Variants in KIAA1217 observed in about 807,000 individuals in gnomAD.
KIAA1217 encodes the protein sickle tail protein homolog.
In KIAA1217, 88 loss-of-function variants were observed where a neutral mutation model predicts 163.9. That is an observed-to-expected ratio of 0.54 (90% CI 0.45 to 0.64). KIAA1217 has a LOEUF of 0.64. Ranked by LOEUF, KIAA1217 falls within the 30% of genes least tolerant of loss-of-function variation. The pLI is 0.00. For missense variants in KIAA1217, 2,372 were observed against 2,475.0 expected (o/e 0.96, Z 0.88); for synonymous variants, 903 against 923.1 (o/e 0.98, Z 0.39).
intron 1 of KIAA1217, among the ~76,000 whole-genome samples, chr10:23,910,650 C>G (rs975953185): frequency 6.6e-6 from 1 of 152,156 alleles, no homozygotes; most frequent in African/African-American, 2.4e-5. Context: ...TGATGAATGT[C>G]AAGGAAGATG....
Position 24,174,849 on chromosome 10 carries a change from G to GTGT in KIAA1217, c.-170-44757_-170-44755dup, listed in dbSNP as rs557041494. On this transcript the variant is annotated intron_variant, in intron 2 of 18. Coordinates refer to the KIAA1217 transcript ENST00000376462. The stretch of plus-strand genomic sequence containing the variant: ...CAGTGTATAGTATACCCAACATGTA[G>GTGT]TGTTGTTGTTGTTGTTGTTGTTTTT... 3.4e-3 allele frequency among the ~76,000 whole-genome samples: 522 copies of GTGT among 151,964 alleles called. 2 individuals carry two copies. Among genetic ancestry groups the GTGT allele is most frequent in the African/African-American group, 0.011 (450 of 41,480 alleles).
intron 1 of KIAA1217, among the ~76,000 whole-genome samples, chr10:23,997,772 T>G (rs958553335): frequency 2.0e-5 from 3 of 152,170 alleles, no homozygotes; most frequent in African/African-American, 7.2e-5. Flanking sequence ...CCCTGTATAT[T>G]CTTTCAGAGA....
At chr10:24,499,825 T>A (rs1270527702) in intron 8 of KIAA1217, among the ~76,000 whole-genome samples, 1 of 152,090 alleles carries the variant, frequency 6.6e-6, no homozygotes, top group Non-Finnish European at 1.5e-5. Context: ...TCTGGCCTGC[T>A]CCCCTGCTGC....
intron 17 of KIAA1217, among the ~76,000 whole-genome samples, chr10:24,538,732 G>GTTTTTTTTTT (rs756717624): frequency 4.7e-4 from 41 of 87,758 alleles, no homozygotes; most frequent in Non-Finnish European, 6.3e-4. Context: ...ATTGTTTTTG[G>GTTTTTTTTTT]TTTTTTTTTT....
chr10:24,499,300 A>T (rs2067210103), intron 8 of KIAA1217, among the ~76,000 whole-genome samples: 1 of 152,258 alleles, frequency 6.6e-6, no homozygotes, highest in Admixed American at 6.5e-5. Context: ...GTACTTTCAT[A>T]GTTGGAGAAT....
chr10:23,917,478 G>T (rs963271960), intron 1 of KIAA1217, among the ~76,000 whole-genome samples: 1 of 152,188 alleles, frequency 6.6e-6, no homozygotes, highest in Admixed American at 6.6e-5. Context: ...AGAAGGAAAT[G>T]GAGACTCTGG....
intron 1 of KIAA1217, among the ~76,000 whole-genome samples, chr10:23,794,553 G>A (rs747569402): frequency 2.0e-5 from 3 of 152,138 alleles, no homozygotes; most frequent in African/African-American, 4.8e-5. Context: ...CTCTTTTAGC[G>A]AGGTTTTGAT....
At chr10:23,697,605 C>T (rs1174493844) in intron 1 of KIAA1217, among the ~76,000 whole-genome samples, 1 of 151,932 alleles carries the variant, frequency 6.6e-6, no homozygotes, top group African/African-American at 2.4e-5. Context: ...CACAGTGGCT[C>T]ACTCCTGTAA....
intron 1 of KIAA1217, among the ~76,000 whole-genome samples, chr10:23,953,909 T>C (rs560510392): frequency 4.6e-5 from 7 of 152,374 alleles, no homozygotes; most frequent in Admixed American, 1.3e-4. Flanking sequence ...CAGAAGGCTT[T>C]ACCTTTTTTC....
At chr10:23,784,350 T>C (rs1835395559) in intron 1 of KIAA1217, among the ~76,000 whole-genome samples, 1 of 152,188 alleles carries the variant, frequency 6.6e-6, no homozygotes, top group Admixed American at 6.5e-5. Context: ...GTGTCTCTTA[T>C]AGTCAGCATA....
At chr10:24,177,166 A>AG (rs1320942101) in intron 2 of KIAA1217, among the ~76,000 whole-genome samples, 9 of 149,756 alleles carry the variant, frequency 6.0e-5, no homozygotes, top group African/African-American at 2.2e-4. Flanking sequence ...AGTGGGCTAA[A>AG]GGGCTCCTCA....
At chr10:23,817,531 G>C (rs77910568) in intron 1 of KIAA1217, among the ~76,000 whole-genome samples, 5 of 151,966 alleles carry the variant, frequency 3.3e-5, no homozygotes, top group African/African-American at 9.7e-5. Flanking sequence ...GGTAACTTGA[G>C]GAATAAACTC....
intron 2 of KIAA1217, among the ~76,000 whole-genome samples, chr10:24,231,599 C>T (rs999364496): frequency 9.2e-5 from 14 of 151,872 alleles, no homozygotes; most frequent in African/African-American, 3.1e-4. Context: ...TTAGATATGT[C>T]TAAGGAAAAT....
At chr10:24,020,512 C>T (rs1456034634) in intron 2 of KIAA1217, among the ~76,000 whole-genome samples, 2 of 152,052 alleles carry the variant, frequency 1.3e-5, no homozygotes, top group Non-Finnish European at 2.9e-5. Context: ...TTCACACAGC[C>T]ATGGCTGATT....
intron 5 of KIAA1217, among the ~76,000 whole-genome samples, chr10:24,448,413 G>A (rs1352731009): frequency 1.3e-5 from 2 of 151,946 alleles, no homozygotes; most frequent in Non-Finnish European, 2.9e-5. Context: ...TTGAAGGCAG[G>A]GTCTTGCTCT....
chr10:24,149,340 C>T (rs11013920), intron 2 of KIAA1217, among the ~76,000 whole-genome samples: 5,480 of 151,972 alleles, frequency 0.036, 160 homozygotes, highest in Middle Eastern at 0.082. Flanking sequence ...CCACCATGCC[C>T]GACTAATTTT....
At chr10:24,173,045 G>T (rs757371200) in intron 2 of KIAA1217, among the ~76,000 whole-genome samples, 6 of 152,200 alleles carry the variant, frequency 3.9e-5, no homozygotes, top group Non-Finnish European at 8.8e-5. Context: ...TGCACAGCAG[G>T]GGTGAGTGGC....
At chr10:24,412,901 C>T (rs1254720545) in intron 3 of KIAA1217, among the ~76,000 whole-genome samples, 3 of 152,174 alleles carry the variant, frequency 2.0e-5, no homozygotes, top group African/African-American at 7.2e-5. Context: ...TTATTTCCTC[C>T]AATAAAACTA....
At chr10:24,345,934 A>G (rs1195009314) in intron 2 of KIAA1217, among the ~76,000 whole-genome samples, 1 of 152,178 alleles carries the variant, frequency 6.6e-6, no homozygotes, top group Non-Finnish European at 1.5e-5. Flanking sequence ...TGTAAAACTG[A>G]AACTCTATCC....
Sources: gnomAD v4.1 joint callset for allele counts (sites outside exome capture counted in the v4.1 genomes callset) on GRCh38, gnomAD v4.1.1 for gene constraint, MANE v1.5 for transcripts, NCBI Gene and HGNC (gene_info 2026-07-23, HGNC 2026-07-21) for gene names.